KIF26B: variants seen among roughly 807,000 people sequenced by gnomAD.
The protein encoded by KIF26B is kinesin family member 26B.
In KIF26B, 63 loss-of-function variants were observed where a neutral mutation model predicts 151.2. The observed-to-expected ratio is 0.42, with a 90% CI of 0.34 to 0.51. KIF26B has a LOEUF of 0.51. KIF26B is among the 20% of genes least tolerant of loss of function. The pLI is 0.07. For missense variants in KIF26B, 2,813 were observed against 2,913.6 expected (o/e 0.97, Z 0.79); for synonymous variants, 1,357 against 1,262.1 (o/e 1.08, Z -1.59).
At chr1:245,518,230 C>T (rs1458084742) in intron 4 of KIF26B, among the ~76,000 whole-genome samples, 2 of 152,130 alleles carry the variant, frequency 1.3e-5, no homozygotes, top group African/African-American at 4.8e-5. Context: ...TTCAGATTCT[C>T]AAAACAGGCA....
chr1:245,673,075 C>T, intron 10 of KIF26B, among the ~76,000 whole-genome samples: 1 of 146,270 alleles, frequency 6.8e-6, no homozygotes, highest in South Asian at 2.2e-4. Context: ...ATCTTAGGCC[C>T]AGTCCCCGCT....
At chr1:245,695,388 C>G (rs767503847) in intron 12 of KIF26B, among the ~76,000 whole-genome samples, 2 of 152,130 alleles carry the variant, frequency 1.3e-5, no homozygotes, top group Non-Finnish European at 2.9e-5. Flanking sequence ...TCACCATCAC[C>G]TAAGTGAAGC....
At chr1:245,536,988 T>C (rs900031958) in intron 4 of KIF26B, among the ~76,000 whole-genome samples, 1 of 152,030 alleles carries the variant, frequency 6.6e-6, no homozygotes, top group Non-Finnish European at 1.5e-5. Flanking sequence ...AATTTCAGAG[T>C]TTTGCTTGGG....
At chr1:245,213,838 G>A (rs1187014579) in intron 2 of KIF26B, among the ~76,000 whole-genome samples, 14 of 152,192 alleles carry the variant, frequency 9.2e-5, no homozygotes, top group Admixed American at 8.5e-4. Flanking sequence ...TGGAGCCTGG[G>A]GCTACCTTGA....
chr1:245,589,884 G>C (rs1300131799), intron 5 of KIF26B, among the ~76,000 whole-genome samples: 1 of 152,216 alleles, frequency 6.6e-6, no homozygotes, highest in East Asian at 1.9e-4. Flanking sequence ...TGCCATGTTA[G>C]CAAGCTCAAG....
intron 2 of KIF26B, among the ~76,000 whole-genome samples, chr1:245,334,651 A>G (rs572179331): frequency 6.6e-6 from 1 of 152,292 alleles, no homozygotes; most frequent in South Asian, 2.1e-4. Flanking sequence ...GGAGAGGAGT[A>G]TGGGTGCGGG....
At chr1:245,222,791 T>C (rs1005154264) in intron 2 of KIF26B, among the ~76,000 whole-genome samples, 3 of 152,124 alleles carry the variant, frequency 2.0e-5, no homozygotes, top group African/African-American at 7.2e-5. Flanking sequence ...TGACATATAA[T>C]CCTATGGCTA....
In KIF26B at chr1:245,688,339, T is replaced by A. The variant is rs1216446604; in HGVS notation, c.5356T>A (p.Ser1786Thr). 6.3e-7 allele frequency: 1 copy of A among 1,587,718 alleles called. No homozygotes were observed. Among genetic ancestry groups the A allele is most frequent in the Non-Finnish European group, 8.5e-7 (1 of 1,175,150 alleles). Residue 1786 changes from serine to threonine, a missense_variant, in exon 12 of 15, where the codon TCC (serine) becomes ACC (threonine). By Grantham distance (58) the Ser-to-Thr change is moderately conservative. Around this residue, in one of 3 missense-constraint regions of KIF26B, gnomAD observed 2,060 missense variants for 2,088.6 expected, o/e 0.99. Transcript: ENST00000407071. Reference protein sequence around the residue: ...GGKHTPWSTQSLSRNRSSGLA... With the variant: ...GGKHTPWSTQTLSRNRSSGLA... ...GAAGCACACGCCCTGGTCCACGCAG[T>A]CCCTCAGCAGGAACAGGAGCTCGGG...
rs186811417 is a variant in KIF26B at position 245,211,640 on chromosome 1, C to A, written c.465+54957C>A. Among the ~76,000 whole-genome samples, 183 of 152,290 alleles carry A rather than the reference C, an allele frequency of 1.2e-3. 1 individual carries two copies. Among genetic ancestry groups the A allele is most frequent in the Non-Finnish European group, 1.7e-3 (113 of 68,024 alleles). On this transcript the variant is annotated intron_variant, in intron 2 of 14. Transcript: ENST00000407071. ...CCTCAATTCCTGGCCTCAAGTGATC[C>A]TCCTGCCTCAGCCTCTAAGAGCTCT...
At chr1:245,600,821 G>A (rs577416372) in intron 5 of KIF26B, among the ~76,000 whole-genome samples, 4 of 152,206 alleles carry the variant, frequency 2.6e-5, no homozygotes, top group South Asian at 4.2e-4. Flanking sequence ...CCCATATGAC[G>A]GGCATTGTTA....
At chr1:245,482,967 G>A (rs1282091321) in intron 4 of KIF26B, among the ~76,000 whole-genome samples, 1 of 151,700 alleles carries the variant, frequency 6.6e-6, no homozygotes, top group Non-Finnish European at 1.5e-5. Context: ...TTAGAACATT[G>A]AGTCCAAGCT....
chr1:245,429,779 A>G (rs113919114), intron 4 of KIF26B, among the ~76,000 whole-genome samples: 1,561 of 152,062 alleles, frequency 0.01, 32 homozygotes, highest in African/African-American at 0.035. Flanking sequence ...ACACCTGGCT[A>G]ATTTTTGTAT....
intron 5 of KIF26B, among the ~76,000 whole-genome samples, chr1:245,596,349 G>T (rs1267393158): frequency 1.3e-5 from 2 of 152,126 alleles, no homozygotes; most frequent in Non-Finnish European, 2.9e-5. Context: ...AGAGATTCTG[G>T]TATGTTGTGT....
intron 4 of KIF26B, among the ~76,000 whole-genome samples, chr1:245,443,934 T>C (rs111984962): frequency 4.4e-5 from 6 of 136,014 alleles, no homozygotes; most frequent in South Asian, 2.7e-4. Flanking sequence ...TCTCCCTCAC[T>C]GTTCACCTAG....
chr1:245,540,968 C>G lies in KIF26B; in HGVS notation c.1350+18C>G, dbSNP rs1337413452. On this transcript the variant is annotated intron_variant, in intron 5 of 14. Coordinates refer to ENST00000407071, the MANE Select transcript of KIF26B (RefSeq NM_018012.4). This position sits in a 1 kb window ranked among gnomAD's most constrained non-coding sequence, Gnocchi z 4.6. The stretch of plus-strand genomic sequence containing the variant: ...TGGGCAAGGTAGGACCATCCGCCGT[C>G]CCTGCCATTTGCCCAGTGTGCGAGG... The G allele has an allele frequency of 6.3e-7, 1 of 1,593,500 alleles. No homozygotes were observed. The highest frequency in any genetic ancestry group is 1.7e-5 in the Admixed American group (1 of 58,212).
intron 7 of KIF26B, among the ~76,000 whole-genome samples, chr1:245,608,447 T>A (rs1356023999): frequency 2.0e-5 from 3 of 152,316 alleles, no homozygotes; most frequent in Non-Finnish European, 2.9e-5. Flanking sequence ...CAGAAAGCCA[T>A]TGCCTCTCTC....
intron 5 of KIF26B, among the ~76,000 whole-genome samples, chr1:245,583,984 G>A (rs140367683): frequency 5.4e-4 from 82 of 152,316 alleles, no homozygotes; most frequent in Non-Finnish European, 8.4e-4. Context: ...ATTATCCTAA[G>A]TCTTCTGATT....
At chr1:245,264,578 A>T (rs1361447311) in intron 2 of KIF26B, among the ~76,000 whole-genome samples, 1 of 131,238 alleles carries the variant, frequency 7.6e-6, no homozygotes, top group African/African-American at 2.9e-5. Context: ...TATTGTTCTT[A>T]AAAAAAAAAC....
chr1:245,320,383 C>A (rs906016497), intron 2 of KIF26B, among the ~76,000 whole-genome samples: 1 of 152,222 alleles, frequency 6.6e-6, no homozygotes, highest in Admixed American at 6.5e-5. Context: ...TTCCCATGTG[C>A]CGCCTCTCGT....
Sources: allele counts gnomAD v4.1 joint callset (sites outside exome capture counted in the v4.1 genomes callset), GRCh38; gene constraint gnomAD v4.1.1; regional missense constraint gnomAD v4.1.1; non-coding constraint Gnocchi (gnomAD v3.1); transcripts MANE v1.5; gene names NCBI Gene and HGNC (gene_info 2026-07-23, HGNC 2026-07-21).